Variants in WWOX observed in about 807,000 individuals in gnomAD.
The protein encoded by WWOX is WW domain containing oxidoreductase, also known as WW domain-containing oxidoreductase.
Under a neutral mutation model 46.2 loss-of-function variants are expected in WWOX, and 69 were observed. That is an observed-to-expected ratio of 1.49 (90% CI 1.23 to 1.82). The LOEUF is 1.82. Among genes scored for constraint, WWOX ranks in the 40% most tolerant of loss-of-function variants. The pLI, the probability that WWOX is intolerant of heterozygous loss-of-function variation, is 0.00. For missense variants in WWOX, 919 were observed against 542.6 expected, an observed-to-expected ratio of 1.69 and a Z score of -6.89; for synonymous variants, 359 against 202.6, an observed-to-expected ratio of 1.77 and a Z score of -6.56.
chr16:78,437,551 G>C (rs901725518), intron 8 of WWOX, among the ~76,000 whole-genome samples: 1 of 151,832 alleles, frequency 6.6e-6, no homozygotes, highest in African/African-American at 2.4e-5. Flanking sequence ...GCCCCTACTG[G>C]TAAAGCCATG....
chr16:78,623,776 T>C (rs1321375274), intron 8 of WWOX, among the ~76,000 whole-genome samples: 3 of 151,976 alleles, frequency 2.0e-5, no homozygotes, highest in Non-Finnish European at 2.9e-5. Flanking sequence ...GAAAGTTCTA[T>C]TTTTCATTAT....
intron 8 of WWOX, among the ~76,000 whole-genome samples, chr16:78,919,911 G>C (rs1039684819): frequency 6.6e-6 from 1 of 152,102 alleles, no homozygotes; most frequent in South Asian, 2.1e-4. Context: ...ATATATTAAT[G>C]ACCACTTCTG....
chr16:78,849,145 C>G (rs1418827126), intron 8 of WWOX, among the ~76,000 whole-genome samples: 1 of 152,130 alleles, frequency 6.6e-6, no homozygotes, highest in Non-Finnish European at 1.5e-5. Flanking sequence ...AACTGTGTAC[C>G]CCTCCTAGTT....
chr16:78,787,307 A>G (rs1020311068), intron 8 of WWOX, among the ~76,000 whole-genome samples: 7 of 152,150 alleles, frequency 4.6e-5, no homozygotes, highest in African/African-American at 1.7e-4. Context: ...CACCATATCC[A>G]TTAAGTGGTC....
intron 8 of WWOX, among the ~76,000 whole-genome samples, chr16:78,952,397 T>C (rs2046079122): frequency 6.6e-6 from 1 of 151,754 alleles, no homozygotes; most frequent in African/African-American, 2.4e-5. Flanking sequence ...TTTTTTTTTT[T>C]TTGAGACAAA....
chr16:79,143,615 A>G (rs1158767953), intron 8 of WWOX, among the ~76,000 whole-genome samples: 1 of 152,234 alleles, frequency 6.6e-6, no homozygotes, highest in Non-Finnish European at 1.5e-5. Flanking sequence ...TGATAATAAT[A>G]TTGACAATAA....
intron 5 of WWOX, among the ~76,000 whole-genome samples, chr16:78,229,915 T>C (rs1197930710): frequency 1.3e-5 from 2 of 152,156 alleles, no homozygotes; most frequent in African/African-American, 2.4e-5. Flanking sequence ...GATCTCACTC[T>C]GTCACCCAGG....
At chr16:78,575,051 ATAT>A (rs2044834933) in intron 8 of WWOX, among the ~76,000 whole-genome samples, 1 of 12,346 alleles carries the variant, frequency 8.1e-5, no homozygotes, top group Non-Finnish European at 1.6e-4. Context: ...ATATATATAT[ATAT>A]ATATATATAT....
At chr16:78,429,220 C>T (rs570382919) in intron 7 of WWOX, among the ~76,000 whole-genome samples, 2 of 152,170 alleles carry the variant, frequency 1.3e-5, no homozygotes, top group South Asian at 4.1e-4. Flanking sequence ...GACAGAGGAG[C>T]AATGTACAGA....
At chr16:79,144,198 C>G (rs192715822) in intron 8 of WWOX, among the ~76,000 whole-genome samples, 1 of 152,210 alleles carries the variant, frequency 6.6e-6, no homozygotes, top group Non-Finnish European at 1.5e-5. Context: ...CTGCACACAG[C>G]CAAGGTCAGC....
intron 8 of WWOX, among the ~76,000 whole-genome samples, chr16:78,831,006 G>C (rs543095863): frequency 6.6e-6 from 1 of 152,352 alleles, no homozygotes; most frequent in East Asian, 1.9e-4. Context: ...TGATGCAGCA[G>C]TAATCACAGT....
chr16:78,844,097 G>C (rs1042063540), intron 8 of WWOX, among the ~76,000 whole-genome samples: 1 of 152,146 alleles, frequency 6.6e-6, no homozygotes, highest in African/African-American at 2.4e-5. Flanking sequence ...CTAAGGTGAC[G>C]CTGGGTGCCT....
intron 8 of WWOX, among the ~76,000 whole-genome samples, chr16:79,012,489 C>T (rs970885755): frequency 3.3e-5 from 5 of 152,130 alleles, no homozygotes; most frequent in Admixed American, 2.0e-4. Context: ...CCCACCTTAG[C>T]CTCCTAAAGT....
At chr16:78,961,914 G>T (rs879407742) in intron 8 of WWOX, among the ~76,000 whole-genome samples, 5 of 152,148 alleles carry the variant, frequency 3.3e-5, no homozygotes, top group Admixed American at 1.3e-4. Flanking sequence ...ATTGCCTTCA[G>T]ATTTACATCA....
chr16:78,903,737 C>A (rs1454996009), intron 8 of WWOX, among the ~76,000 whole-genome samples: 3 of 152,180 alleles, frequency 2.0e-5, no homozygotes, highest in African/African-American at 7.2e-5. Flanking sequence ...AGCTGCCATC[C>A]ATTATGCATA....
intron 8 of WWOX, among the ~76,000 whole-genome samples, chr16:78,749,149 G>A (rs1172314022): frequency 6.6e-6 from 1 of 152,198 alleles, no homozygotes; most frequent in Non-Finnish European, 1.5e-5. Context: ...AGGGCTGTCT[G>A]CATGGGTACG....
chr16:78,870,142 A>C (rs1194814641), intron 8 of WWOX, among the ~76,000 whole-genome samples: 1 of 152,190 alleles, frequency 6.6e-6, no homozygotes, highest in Non-Finnish European at 1.5e-5. Context: ...ATCCTCAAAC[A>C]GGAAGGGGGA....
At chr16:78,393,156 G>C (rs2082212386) in intron 6 of WWOX, among the ~76,000 whole-genome samples, 1 of 152,146 alleles carries the variant, frequency 6.6e-6, no homozygotes, top group Admixed American at 6.5e-5. Flanking sequence ...GGAGTATGAA[G>C]AGCTGGGACC....
intron 8 of WWOX, among the ~76,000 whole-genome samples, chr16:79,080,973 G>T (rs1197845413): frequency 6.6e-6 from 1 of 152,132 alleles, no homozygotes; most frequent in Non-Finnish European, 1.5e-5. Flanking sequence ...GTGATGAAAA[G>T]ATTTTTATAC....
Sources: gnomAD v4.1 joint callset for allele counts (sites outside exome capture counted in the v4.1 genomes callset) on GRCh38, gnomAD v4.1.1 for gene constraint, MANE v1.5 for transcripts, NCBI Gene and HGNC (gene_info 2026-07-23, HGNC 2026-07-21) for gene names.